The following CCR9 variants were observed in gnomAD, a reference collection of about 807,000 sequenced individuals.
CCR9 encodes the protein C-C motif chemokine receptor 9, also known as C-C chemokine receptor type 9.
Under a neutral mutation model 8.7 loss-of-function variants are expected in CCR9, and 4 were observed. The observed-to-expected ratio is 0.46, with a 90% CI of 0.23 to 1.06. The LOEUF (loss-of-function observed/expected upper bound fraction) is 1.06, where lower values mean the gene tolerates loss of function less well. Ranked by LOEUF, CCR9 falls within the 50% of genes least tolerant of loss-of-function variation. The probability of loss-of-function intolerance (pLI) is 0.21; values close to 1 mark genes in which losing one functional copy is unlikely to be tolerated. For missense variants in CCR9, 394 were observed against 453.6 expected (o/e 0.87, Z 1.19); for synonymous variants, 159 against 168.8 (o/e 0.94, Z 0.45).
At position 45,900,979 on chromosome 3, in the gene CCR9, T is replaced by C. The variant is rs549489856; in HGVS notation, c.191T>C (p.Leu64Ser). 9 of 1,614,224 alleles carry C rather than the reference T, an allele frequency of 5.6e-6. No individual in the cohort carries two copies. The highest frequency in any genetic ancestry group is 5.3e-5 in the African/African-American group (4 of 75,056). The change falls in exon 3 of 3, where the codon TTG (leucine) becomes TCG (serine). Residue 64 changes from leucine to serine, a missense_variant. Physicochemically the swap from Leu to Ser is moderately radical, Grantham distance 145 (BLOSUM62 -2). Coordinates refer to ENST00000357632, the MANE Select transcript of CCR9 (RefSeq NM_031200.3). The surrounding 1 kb of genome is among the most constrained non-coding windows in gnomAD (Gnocchi z 4.7). ...TGGCTCGTGTTCATCGTGGGTGCCT[T>C]GGGCAACAGTCTTGTTATCCTTGTC... is the stretch of plus-strand genomic sequence containing the variant. ...LYWLVFIVGA[L>S]GNSLVILVYW...
intron 1 of CCR9, among the ~76,000 whole-genome samples, chr3:45,893,940 T>C (rs530307963): frequency 6.6e-6 from 1 of 152,296 alleles, no homozygotes; most frequent in South Asian, 2.1e-4. Context: ...GGTGGGGTCA[T>C]GATGTTGTTA....
intron 1 of CCR9, among the ~76,000 whole-genome samples, chr3:45,893,951 T>G (rs75078036): frequency 0.062 from 9,419 of 152,248 alleles, 339 homozygotes; most frequent in Middle Eastern, 0.092. Context: ...GATGTTGTTA[T>G]GGAAAGGAAG....
rs1702534604 is a variant in CCR9, at chr3:45,900,988, G to A, written c.200G>A (p.Ser67Asn). ...TTCATCGTGGGTGCCTTGGGCAACA[G>A]TCTTGTTATCCTTGTCTACTGGTAC... ...LVFIVGALGN[S>N]LVILVYWYCT... The change falls in exon 3 of 3, where the codon AGT becomes AAT. Residue 67 changes from serine (S) to asparagine (N), a missense_variant. By Grantham distance (46) the Ser-to-Asn change is conservative. Coordinates refer to ENST00000357632, the MANE Select transcript of CCR9 (RefSeq NM_031200.3). This position sits in a 1 kb window ranked among gnomAD's most constrained non-coding sequence, Gnocchi z 4.7. The A allele has an allele frequency of 6.2e-7, 1 of 1,614,208 alleles. No individual in the cohort carries two copies. Among genetic ancestry groups the A allele is most frequent in the Non-Finnish European group, 8.5e-7 (1 of 1,180,032 alleles).
chr3:45,891,037 G>A (rs1001108102), intron 1 of CCR9, among the ~76,000 whole-genome samples: 2 of 152,222 alleles, frequency 1.3e-5, no homozygotes, highest in African/African-American at 4.8e-5. Context: ...GGGTGATTTT[G>A]ATTTTCTCCT....
At chr3:45,892,276 C>T (rs1024190803) in intron 1 of CCR9, among the ~76,000 whole-genome samples, 6 of 152,120 alleles carry the variant, frequency 3.9e-5, no homozygotes, top group African/African-American at 1.4e-4. Flanking sequence ...TTCATTCCAA[C>T]ACTATTCACA....
Position 45,901,004 on chromosome 3 carries a change from C to T in CCR9, c.216C>T (p.Val72=), listed in dbSNP as rs1317593454. 1.2e-6 allele frequency: 2 copies of T among 1,614,062 alleles called. No individual in the cohort carries two copies. The highest frequency in any genetic ancestry group is 1.1e-5 in the South Asian group (1 of 91,080). The change falls in exon 3 of 3, where the codon GTC becomes GTT. Residue 72 remains valine (V), a synonymous_variant. Coordinates refer to ENST00000357632, the MANE Select transcript of CCR9 (RefSeq NM_031200.3). The surrounding 1 kb of genome is among the most constrained non-coding windows in gnomAD (Gnocchi z 4.3). The part of the protein sequence containing the change: ...GALGNSLVIL[V]YWYCTRVKTM... ...TGGGCAACAGTCTTGTTATCCTTGT[C>T]TACTGGTACTGCACAAGAGTGAAGA...
chr3:45,890,305 A>ATATATATATTTATAAATATATATATGT (rs1702121761), intron 1 of CCR9, among the ~76,000 whole-genome samples: 1 of 7,988 alleles, frequency 1.3e-4, no homozygotes, highest in African/African-American at 1.0e-3. Flanking sequence ...TATATATAAC[A>ATATATATATTTATAAATATATATATGT]TATATATATA....
chr3:45,894,613 G>T (rs531116961), intron 1 of CCR9, among the ~76,000 whole-genome samples: 132 of 152,326 alleles, frequency 8.7e-4, no homozygotes, highest in African/African-American at 2.9e-3. Flanking sequence ...CTCATTTGTG[G>T]ATGGGAGATG....
intron 1 of CCR9, among the ~76,000 whole-genome samples, chr3:45,893,359 T>C (rs942945670): frequency 2.2e-4 from 33 of 152,156 alleles, no homozygotes; most frequent in African/African-American, 8.0e-4. Context: ...TTCACCATGT[T>C]GGCCAGACTG....
intron 1 of CCR9, among the ~76,000 whole-genome samples, chr3:45,887,251 CTGTG>C (rs36040178): frequency 1.3e-4 from 20 of 149,210 alleles, no homozygotes; most frequent in African/African-American, 4.2e-4. Context: ...GCGTGTGTGT[CTGTG>C]TGTGTGTGTG....
At chr3:45,889,155 T>C (rs557076719) in intron 1 of CCR9, among the ~76,000 whole-genome samples, 1 of 152,072 alleles carries the variant, frequency 6.6e-6, no homozygotes, top group Non-Finnish European at 1.5e-5. Flanking sequence ...TGGCATATTT[T>C]TAAATTTTTT....
intron 2 of CCR9, among the ~76,000 whole-genome samples, chr3:45,899,933 G>A (rs765133536): frequency 6.6e-6 from 1 of 152,140 alleles, no homozygotes; most frequent in Non-Finnish European, 1.5e-5. Flanking sequence ...GTGTGTATGC[G>A]CATATATGTG....
chr3:45,896,741 C>T (rs926609457), intron 2 of CCR9, among the ~76,000 whole-genome samples: 2 of 152,172 alleles, frequency 1.3e-5, no homozygotes, highest in African/African-American at 4.8e-5. Context: ...AGAGTCCCTG[C>T]TGATAACAAA....
In CCR9 at chr3:45,897,562, C is replaced by G. The variant is rs932994037; in HGVS notation, c.21+2608C>G. The G allele has an allele frequency of 3.3e-6, 5 of 1,533,974 alleles. No individual in the cohort carries two copies. In the African/African-American group the frequency reaches 5.5e-5, roughly 17 times the overall value. On this transcript the variant is annotated intron_variant, in intron 2 of 2. Transcript: ENST00000357632. ...ATTTCTCCCATTCTGCTCCTGCAGT[C>G]TCCTCCAGGCCCCGCTCCAGATCAC...
At position 45,894,938 on chromosome 3, in the gene CCR9, C is replaced by T. The variant is rs1702305934; in HGVS notation, c.5C>T (p.Thr2Ile). M[T>I]PTDFTSPIPN... The stretch of plus-strand genomic sequence containing the variant: ...CTTGCATCTGACTGACCCACCATGA[C>T]ACCCACAGACTTCACAGTGAGTACA... Residue 2 changes from threonine (T) to isoleucine (I), a missense_variant, in exon 2 of 3, where the codon ACA becomes ATA. Thr to Ile is a moderately conservative substitution (Grantham distance 89, BLOSUM62 -1). Coordinates refer to ENST00000357632, the MANE Select transcript of CCR9 (RefSeq NM_031200.3). The T allele has an allele frequency of 6.2e-7, 1 of 1,614,078 alleles. No individual in the cohort carries two copies. Among genetic ancestry groups the T allele is most frequent in the Non-Finnish European group, 8.5e-7 (1 of 1,179,938 alleles).
At chr3:45,891,026 C>T (rs1243482966) in intron 1 of CCR9, among the ~76,000 whole-genome samples, 4 of 152,154 alleles carry the variant, frequency 2.6e-5, no homozygotes, top group East Asian at 1.9e-4. Context: ...AGGAAGATTA[C>T]GGGTGATTTT....
intron 1 of CCR9, among the ~76,000 whole-genome samples, chr3:45,892,519 T>C (rs1241784176): frequency 6.6e-6 from 1 of 151,960 alleles, no homozygotes; most frequent in African/African-American, 2.4e-5. Flanking sequence ...TGAGTACATA[T>C]GGACACAAAA....
At chr3:45,891,539 T>C (rs1424201430) in intron 1 of CCR9, among the ~76,000 whole-genome samples, 1 of 152,198 alleles carries the variant, frequency 6.6e-6, no homozygotes, top group South Asian at 2.1e-4. Context: ...CCCTAAATAC[T>C]TCAGGGGATA....
intron 1 of CCR9, among the ~76,000 whole-genome samples, chr3:45,888,518 A>G (rs1344281038): frequency 6.6e-6 from 1 of 152,184 alleles, no homozygotes; most frequent in African/African-American, 2.4e-5. Flanking sequence ...TGTATCAGGT[A>G]CTCAAGGCAC....
Sources: gnomAD v4.1 joint callset for allele counts (sites outside exome capture counted in the v4.1 genomes callset) on GRCh38, gnomAD v4.1.1 for gene constraint, Gnocchi (gnomAD v3.1) non-coding constraint, MANE v1.5 for transcripts, NCBI Gene and HGNC (gene_info 2026-07-23, HGNC 2026-07-21) for gene names.